The following PDGFB variants were observed in gnomAD, a reference collection of about 807,000 sequenced individuals.
PDGFB encodes platelet derived growth factor subunit B.
Under a neutral mutation model 29.0 loss-of-function variants are expected in PDGFB, and 6 were observed. The ratio of observed to expected loss-of-function variants is 0.21; its 90% CI spans 0.11 to 0.41. The LOEUF (loss-of-function observed/expected upper bound fraction) is 0.41, where lower values mean the gene tolerates loss of function less well. Ranked by LOEUF, PDGFB falls within the 10% of genes least tolerant of loss-of-function variation. PDGFB has a pLI of 1.00. For missense variants in PDGFB, 299 were observed against 341.8 expected (o/e 0.87, Z 0.99); for synonymous variants, 144 against 140.8 (o/e 1.02, Z -0.16).
chr22:39,235,716 C>A, intron 2 of PDGFB, 62 bp downstream of exon 2: 2 of 1,183,454 alleles, frequency 1.7e-6, no homozygotes, highest in Admixed American at 1.8e-5. Flanking sequence ...CCTGTCCTGC[C>A]CCTCCCAGAT....
rs200943853 is a variant in PDGFB, at chr22:39,243,935, G to T, written c.29C>A (p.Ser10Tyr). The change falls in exon 1 of 7, where the codon TCT (serine) becomes TAT (tyrosine). Residue 10 changes from serine to tyrosine, a missense_variant. Physicochemically the swap from Ser to Tyr is moderately radical, Grantham distance 144 (BLOSUM62 -2). Coordinates refer to ENST00000331163, the MANE Select transcript of PDGFB (RefSeq NM_002608.4). The surrounding 1 kb of genome is among the most constrained non-coding windows in gnomAD (Gnocchi z 6.4). Reference protein sequence around the residue: MNRCWALFLSLCCYLRLVSA... With the variant: MNRCWALFLYLCCYLRLVSA... ...GACCAGACGCAGGTAGCAGCAGAGA[G>T]ACAGGAAGAGCGCCCAGCAGCGATT... is the stretch of plus-strand genomic sequence containing the variant. 8 of 1,600,112 alleles carry T rather than the reference G, an allele frequency of 5.0e-6. No homozygotes were observed. The Admixed American group carries it at 1.2e-4, about 24-fold the overall frequency.
rs143450333 is a variant in PDGFB at position 39,240,824 on chromosome 22, A to T, written c.63+3077T>A. On this transcript the variant is annotated intron_variant, in intron 1 of 6. Transcript: ENST00000331163. ...ACAGAAGAGGCTCCTCAATGTGGGG[A>T]GGGGAAGACAAGACGTGGAGAGGTA... The T allele has an allele frequency of 1.1e-3, 1,809 of 1,612,272 alleles. 31 individuals carry two copies. The African/African-American group carries it at 0.022, about 20-fold the overall frequency.
At chr22:39,227,257 T>A (rs571072803) in intron 5 of PDGFB, among the ~76,000 whole-genome samples, 1 of 148,200 alleles carries the variant, frequency 6.7e-6, no homozygotes, top group East Asian at 2.0e-4. Flanking sequence ...TGACACCTGG[T>A]TAATTTTTGT....
intron 5 of PDGFB, among the ~76,000 whole-genome samples, chr22:39,228,503 C>T (rs370123645): frequency 1.3e-5 from 2 of 152,138 alleles, no homozygotes; most frequent in Non-Finnish European, 2.9e-5. Context: ...GAGGGAGGCT[C>T]GCTTGAGCCC....
chr22:39,237,177 G>A (rs1247187712), intron 1 of PDGFB, among the ~76,000 whole-genome samples: 1 of 151,774 alleles, frequency 6.6e-6, no homozygotes, highest in Non-Finnish European at 1.5e-5. Flanking sequence ...AGCCTCAGGG[G>A]GCTCTCCCCG....
chr22:39,230,399 G>T (rs545232533), intron 4 of PDGFB, among the ~76,000 whole-genome samples, 171 bp from the exon 5 acceptor site: 42 of 152,368 alleles, frequency 2.8e-4, no homozygotes, highest in African/African-American at 9.1e-4. Context: ...GCAGGACCTT[G>T]ACCTCTGCCC....
intron 4 of PDGFB, among the ~76,000 whole-genome samples, chr22:39,230,458 C>G (rs1932272714): frequency 6.6e-6 from 1 of 152,246 alleles, no homozygotes; most frequent in Non-Finnish European, 1.5e-5. Context: ...TGGGGCCCCC[C>G]TCAGTGCCCC....
At chr22:39,234,176 T>C (rs2146444095) in intron 2 of PDGFB, among the ~76,000 whole-genome samples, 1 of 152,286 alleles carries the variant, frequency 6.6e-6, no homozygotes, top group East Asian at 1.9e-4. Context: ...TCTGTATCTG[T>C]GTCTGTCTCC....
At chr22:39,227,927 C>T (rs185608283) in intron 5 of PDGFB, among the ~76,000 whole-genome samples, 95 of 152,334 alleles carry the variant, frequency 6.2e-4, no homozygotes, top group African/African-American at 2.2e-3. Flanking sequence ...CTTCAGATCC[C>T]CTCAGACAGA....
At chr22:39,239,825 CT>C (rs1293699663) in intron 1 of PDGFB, among the ~76,000 whole-genome samples, 2 of 151,312 alleles carry the variant, frequency 1.3e-5, no homozygotes, top group Admixed American at 6.6e-5. Flanking sequence ...ATCAAAGGGG[CT>C]TGAACCCCAC....
chr22:39,239,915 C>G (rs1247253701), intron 1 of PDGFB, among the ~76,000 whole-genome samples: 1 of 152,170 alleles, frequency 6.6e-6, no homozygotes, highest in Non-Finnish European at 1.5e-5. Context: ...GACACACAGG[C>G]CCAAGCAACC....
intron 5 of PDGFB, among the ~76,000 whole-genome samples, chr22:39,227,493 C>T (rs1458941265): frequency 6.6e-6 from 1 of 152,240 alleles, no homozygotes; most frequent in African/African-American, 2.4e-5. Flanking sequence ...CTAGTGTTTA[C>T]CATGTACCTG....
intron 1 of PDGFB, chr22:39,241,036 A>G: frequency 1.3e-6 from 1 of 780,946 alleles, no homozygotes; most frequent in Non-Finnish European, 2.2e-6. Context: ...GGATTCCAGC[A>G]GTTGGTCTCC....
chr22:39,243,431 C>T lies in PDGFB; in HGVS notation c.63+470G>A, dbSNP rs1033387261. Reference sequence around the variant, plus strand: ...ACCGGGAGCCAGGGTGGGACCCGAGCCCCGTCAAAGGTCGGCGTGGATGGC... The same window carrying T: ...ACCGGGAGCCAGGGTGGGACCCGAGTCCCGTCAAAGGTCGGCGTGGATGGC... On this transcript the variant is annotated intron_variant, in intron 1 of 6. Transcript: ENST00000331163. The surrounding 1 kb of genome is among the most constrained non-coding windows in gnomAD (Gnocchi z 6.4). 3.9e-5 allele frequency among the ~76,000 whole-genome samples: 6 copies of T among 152,106 alleles called. No individual in the cohort carries two copies. Among genetic ancestry groups the T allele is most frequent in the Non-Finnish European group, 7.4e-5 (5 of 68,008 alleles).
intron 2 of PDGFB, among the ~76,000 whole-genome samples, chr22:39,234,062 A>C (rs900896954): frequency 6.6e-6 from 1 of 151,168 alleles, no homozygotes; most frequent in Non-Finnish European, 1.5e-5. Context: ...GAAGACAGAG[A>C]AGAGGAGAAG....
At position 39,231,913 on chromosome 22, in the gene PDGFB, G is replaced by T; in HGVS notation, c.251-86C>A. On this transcript the variant is annotated intron_variant, in intron 3 of 6. Transcript: ENST00000331163. The surrounding 1 kb of genome is among the most constrained non-coding windows in gnomAD (Gnocchi z 4.3). ...AGGGGAGCTCAGCGGGTGCCTCCGG[G>T]ACTGCTCTTTCTCACGCCCTTCAAC... is the stretch of plus-strand genomic sequence containing the variant. The T allele has an allele frequency of 2.6e-6, 3 of 1,147,276 alleles. No individual in the cohort carries two copies. Among genetic ancestry groups the T allele is most frequent in the Admixed American group, 2.2e-5 (1 of 46,304 alleles). 71.1% of individuals were successfully genotyped at this position (1,147,276 alleles called of 1,614,324 possible).
chr22:39,230,399 G>A (rs545232533), intron 4 of PDGFB, among the ~76,000 whole-genome samples, 171 bp from the exon 5 acceptor site: 1 of 152,250 alleles, frequency 6.6e-6, no homozygotes, highest in South Asian at 2.1e-4. Flanking sequence ...GCAGGACCTT[G>A]ACCTCTGCCC....
intron 3 of PDGFB, among the ~76,000 whole-genome samples, chr22:39,233,052 C>T (rs1010267368): frequency 1.3e-5 from 2 of 152,208 alleles, no homozygotes; most frequent in African/African-American, 4.8e-5. Flanking sequence ...ACGCTGGGTT[C>T]AAGTGAGGGG....
chr22:39,231,832 G>C lies in PDGFB; in HGVS notation c.251-5C>G. 1.2e-6 allele frequency: 2 copies of C among 1,611,614 alleles called. No homozygotes were observed. Among genetic ancestry groups the C allele is most frequent in the Non-Finnish European group, 1.7e-6 (2 of 1,179,572 alleles). ...GCTCAGCAATGGTCAGGGAACCTGG[G>C]AGGAGACGAAACCTGGGTCAGGAGC... On this transcript the variant is annotated splice_polypyrimidine_tract_variant and splice_region_variant and intron_variant, in intron 3 of 6. Coordinates refer to ENST00000331163, the MANE Select transcript of PDGFB (RefSeq NM_002608.4). The surrounding 1 kb of genome is among the most constrained non-coding windows in gnomAD (Gnocchi z 4.3).
Sources: allele counts gnomAD v4.1 joint callset (sites outside exome capture counted in the v4.1 genomes callset), GRCh38; gene constraint gnomAD v4.1.1; non-coding constraint Gnocchi (gnomAD v3.1); transcripts MANE v1.5; gene names NCBI Gene and HGNC (gene_info 2026-07-23, HGNC 2026-07-21).